PCYT1B: variants seen among roughly 807,000 people sequenced by gnomAD.
The protein encoded by PCYT1B is phosphate cytidylyltransferase 1B, choline, also known as choline-phosphate cytidylyltransferase B.
Under a neutral mutation model 26.4 loss-of-function variants are expected in PCYT1B, and 10 were observed. The ratio of observed to expected loss-of-function variants is 0.38; its 90% CI spans 0.23 to 0.64. The LOEUF (loss-of-function observed/expected upper bound fraction) is 0.64. PCYT1B is among the 30% of genes least tolerant of loss of function. PCYT1B has a pLI of 0.56. For missense variants in PCYT1B, 161 were observed against 292.7 expected (o/e 0.55, Z 3.28); for synonymous variants, 131 against 108.4 (o/e 1.21, Z -1.29).
intron 6 of PCYT1B, 104 bp downstream of exon 6, chrX:24,579,212 A>G: frequency 4.6e-6 from 3 of 646,308 alleles, no homozygotes; most frequent in Non-Finnish European, 4.6e-6. Flanking sequence ...AGAGAGAGAG[A>G]GGGAGAACAC....
At chrX:24,634,940 G>A in intron 1 of PCYT1B, among the ~76,000 whole-genome samples, 1 of 111,966 alleles carries the variant, frequency 8.9e-6, no homozygotes, top group Non-Finnish European at 1.9e-5. Flanking sequence ...GAAGATAGCT[G>A]AATTGAAAAT....
intron 3 of PCYT1B, among the ~76,000 whole-genome samples, chrX:24,605,129 T>A (rs934881129): frequency 1.8e-5 from 2 of 111,845 alleles, no homozygotes; most frequent in South Asian, 3.8e-4. Context: ...CTTATTGAAA[T>A]TTTTCTCCTT....
Position 24,647,290 on chromosome X carries a change from T to G in PCYT1B, c.-185A>C. 1 of 974,875 alleles carries G rather than the reference T, an allele frequency of 1.0e-6. No individual in the cohort carries two copies. The highest frequency in any genetic ancestry group is 1.3e-6 in the Non-Finnish European group (1 of 770,967). 80.3% of individuals were successfully genotyped at this position (974,875 alleles called of 1,213,427 possible). ...CCCCCCGCCCCTCTCTCTCTCTCTC[T>G]CTCCCAGAAGCCAAGAGGCAAGGCC... On this transcript the variant is annotated 5_prime_UTR_variant, in exon 1 of 8. Coordinates refer to ENST00000379144, the MANE Select transcript of PCYT1B (RefSeq NM_004845.5).
At chrX:24,670,582 ATTCT>A (rs1927236624) in intron 1 of PCYT1B, among the ~76,000 whole-genome samples, 1 of 112,154 alleles carries the variant, frequency 8.9e-6, no homozygotes, top group African/African-American at 3.2e-5. Flanking sequence ...TAATAAAATC[ATTCT>A]TTATTATTGT....
intron 1 of PCYT1B, among the ~76,000 whole-genome samples, chrX:24,631,211 C>T (rs1462769322): frequency 8.9e-6 from 1 of 111,908 alleles, no homozygotes; most frequent in East Asian, 2.8e-4. Context: ...CGTGAGCCAC[C>T]GCGCCTAGCC....
chrX:24,648,768 G>A (rs900136510), upstream of PCYT1B, among the ~76,000 whole-genome samples: 17 of 110,485 alleles, frequency 1.5e-4, no homozygotes, highest in African/African-American at 5.6e-4. Flanking sequence ...GAGTTTCTGG[G>A]TGTTGTTAAT....
At chrX:24,646,415 A>G (rs758864548) in intron 1 of PCYT1B, among the ~76,000 whole-genome samples, 318 of 111,935 alleles carry the variant, frequency 2.8e-3, no homozygotes, top group African/African-American at 9.9e-3. Flanking sequence ...CACACTCTGG[A>G]AATGTTTTAC....
intron 7 of PCYT1B, among the ~76,000 whole-genome samples, chrX:24,568,180 A>G (rs1327412297): frequency 6.3e-5 from 7 of 111,584 alleles, no homozygotes; most frequent in Non-Finnish European, 1.3e-4. Flanking sequence ...CCAAATCAAT[A>G]ACAACTAACC....
intron 1 of PCYT1B, among the ~76,000 whole-genome samples, chrX:24,671,404 T>C (rs1322527389): frequency 2.7e-5 from 3 of 111,465 alleles, no homozygotes; most frequent in African/African-American, 6.5e-5. Context: ...AATTGGCTAG[T>C]AAAACTCATG....
intron 1 of PCYT1B, among the ~76,000 whole-genome samples, chrX:24,663,394 T>C (rs1452875241): frequency 8.9e-6 from 1 of 112,429 alleles, no homozygotes; most frequent in African/African-American, 3.2e-5. Context: ...GGGGGTTTTG[T>C]GGGGATTAAA....
intron 3 of PCYT1B, among the ~76,000 whole-genome samples, chrX:24,593,147 T>A (rs1344741406): frequency 8.9e-6 from 1 of 111,816 alleles, no homozygotes; most frequent in Non-Finnish European, 1.9e-5. Flanking sequence ...TGTTCCCCTA[T>A]AAATTCCCCG....
chrX:24,599,866 A>G (rs140256103), intron 3 of PCYT1B, among the ~76,000 whole-genome samples: 11 of 112,077 alleles, frequency 9.8e-5, no homozygotes, highest in African/African-American at 3.6e-4. Flanking sequence ...CAATAGATGC[A>G]TTAAAGTGAT....
At chrX:24,664,658 T>C (rs1482866448) in intron 1 of PCYT1B, among the ~76,000 whole-genome samples, 1 of 112,120 alleles carries the variant, frequency 8.9e-6, no homozygotes, top group Admixed American at 9.5e-5. Context: ...ATTTCTCTTG[T>C]TAAAATAGCC....
intron 1 of PCYT1B, among the ~76,000 whole-genome samples, chrX:24,631,352 T>A (rs1926086818): frequency 1.8e-5 from 2 of 111,442 alleles, no homozygotes; most frequent in Non-Finnish European, 3.8e-5. Flanking sequence ...AAAATACAGT[T>A]TTTTTCTCCC....
At chrX:24,646,922 G>T in intron 1 of PCYT1B, 67 bp downstream of exon 1, 1 of 869,690 alleles carries the variant, frequency 1.1e-6, no homozygotes, top group Non-Finnish European at 1.7e-6. Flanking sequence ...CTCGCTGGCT[G>T]CGGGCGCATA....
chrX:24,595,531 C>A (rs1924745928), intron 3 of PCYT1B, among the ~76,000 whole-genome samples: 1 of 111,015 alleles, frequency 9.0e-6, no homozygotes, highest in Non-Finnish European at 1.9e-5. Context: ...GCTCCTGTTT[C>A]TATAAACATT....
At chrX:24,613,729 G>T (rs1272452680) in intron 2 of PCYT1B, among the ~76,000 whole-genome samples, 1 of 110,283 alleles carries the variant, frequency 9.1e-6, no homozygotes, top group Non-Finnish European at 1.9e-5. Flanking sequence ...AAGGTGGATA[G>T]ATGGCTCGAG....
chrX:24,659,918 G>GT (rs1287549772), intron 1 of PCYT1B, among the ~76,000 whole-genome samples: 3 of 111,375 alleles, frequency 2.7e-5, no homozygotes, highest in Non-Finnish European at 5.7e-5. Context: ...ATAAACTTTG[G>GT]GGGACACGTT....
At chrX:24,663,189 A>C (rs1927062609) in intron 1 of PCYT1B, among the ~76,000 whole-genome samples, 1 of 112,372 alleles carries the variant, frequency 8.9e-6, no homozygotes, top group African/African-American at 3.2e-5. Flanking sequence ...AGAAGGATAA[A>C]AACTGGTCAC....
Sources: allele counts gnomAD v4.1 joint callset (sites outside exome capture counted in the v4.1 genomes callset), GRCh38; gene constraint gnomAD v4.1.1; transcripts MANE v1.5; gene names NCBI Gene and HGNC (gene_info 2026-07-23, HGNC 2026-07-21).